MAP3K4: variants seen among roughly 807,000 people sequenced by gnomAD.
The protein encoded by MAP3K4 is MAP three kinase 1.
In MAP3K4, 67 loss-of-function variants were observed where a neutral mutation model predicts 185.6. The ratio of observed to expected loss-of-function variants is 0.36; its 90% CI spans 0.30 to 0.44. The LOEUF (loss-of-function observed/expected upper bound fraction) is 0.44. MAP3K4 is among the 20% of genes least tolerant of loss of function. The pLI is 1.00. For synonymous variants in MAP3K4, 702 were observed against 710.4 expected, an observed-to-expected ratio of 0.99 and a Z score of 0.19; for missense variants, 1,551 against 1,995.1, an observed-to-expected ratio of 0.78 and a Z score of 4.24.
At chr6:161,052,802 G>A (rs1784064375) in intron 3 of MAP3K4, among the ~76,000 whole-genome samples, 1 of 151,984 alleles carries the variant, frequency 6.6e-6, no homozygotes, top group African/African-American at 2.4e-5. Context: ...TGTTTTAGTC[G>A]TTTTATTTGG....
chr6:161,004,284 A>C (rs567105266), intron 1 of MAP3K4, among the ~76,000 whole-genome samples: 43 of 152,258 alleles, frequency 2.8e-4, no homozygotes, highest in African/African-American at 8.9e-4. Flanking sequence ...ATATCGAACA[A>C]AGTAGCACCA....
At position 161,034,424 on chromosome 6, in the gene MAP3K4, GC is replaced by G; in HGVS notation, c.320del (p.Pro107GlnfsTer7). On this transcript the variant is annotated frameshift_variant, in exon 2 of 27. Coordinates refer to ENST00000392142, the MANE Select transcript of MAP3K4 (RefSeq NM_005922.4). LOFTEE classifies it high-confidence loss of function. This position sits in a 1 kb window ranked among gnomAD's most constrained non-coding sequence, Gnocchi z 4.4. ...AACATCAGAGGAATAATGTGGGGAG[GC>G]CAGCCAGTCGGTCTAATTTGAAAGG... The part of the protein sequence containing the change: ...TKHQRNNVGR[P>X]ASRSNLKEKM... 6.2e-7 allele frequency: 1 copy of G among 1,613,046 alleles called. No individual in the cohort carries two copies. Among genetic ancestry groups the G allele is most frequent in the Middle Eastern group, 1.7e-4 (1 of 6,058 alleles).
At chr6:161,059,466 CTG>C (rs1784392829) in intron 3 of MAP3K4, among the ~76,000 whole-genome samples, 1 of 152,124 alleles carries the variant, frequency 6.6e-6, no homozygotes. Context: ...TCTAGTGACA[CTG>C]AGCCTGTTTT....
intron 10 of MAP3K4, 118 bp from the exon 11 acceptor site, chr6:161,089,204 T>G: frequency 1.8e-6 from 2 of 1,097,486 alleles, no homozygotes; most frequent in Non-Finnish European, 2.6e-6. Flanking sequence ...ACTTTCTGAT[T>G]AGATGGTTGT....
rs1427262397 is a variant in MAP3K4 at position 160,996,021 on chromosome 6, C to T, written c.152+3938C>T. Among the ~76,000 whole-genome samples, 1 of 152,068 alleles carries T rather than the reference C, an allele frequency of 6.6e-6. No homozygotes were observed. Among genetic ancestry groups the T allele is most frequent in the Non-Finnish European group, 1.5e-5 (1 of 68,022 alleles). On this transcript the variant is annotated intron_variant, in intron 1 of 26. Coordinates refer to ENST00000392142, the MANE Select transcript of MAP3K4 (RefSeq NM_005922.4). The surrounding 1 kb of genome is among the most constrained non-coding windows in gnomAD (Gnocchi z 4.5). ...AAATTCATTTGAAAAACTGGATTTC[C>T]TACTAAAAAACTAGTTGAATGTCGT... is the stretch of plus-strand genomic sequence containing the variant.
intron 1 of MAP3K4, among the ~76,000 whole-genome samples, chr6:161,018,256 T>A (rs1482151790): frequency 1.3e-5 from 2 of 151,880 alleles, no homozygotes; most frequent in African/African-American, 4.8e-5. Context: ...CTCCAGAAAA[T>A]TTATATAAGG....
rs111818865 is a variant in MAP3K4, at chr6:161,116,788, C to A, written c.4807-62C>A. ...GGCCTTCCCCGTAAGACTCATACTG[C>A]GCGTATGCACAAGCACACACCTGGC... On this transcript the variant is annotated intron_variant, in intron 26 of 26. Coordinates refer to ENST00000392142, the MANE Select transcript of MAP3K4 (RefSeq NM_005922.4). The surrounding 1 kb of genome is among the most constrained non-coding windows in gnomAD (Gnocchi z 6.2). The A allele has an allele frequency of 1.4e-6, 2 of 1,479,370 alleles. No homozygotes were observed. The highest frequency in any genetic ancestry group is 1.4e-5 in the African/African-American group (1 of 72,300). The allele number at this position is 1,479,370 out of a possible 1,614,324, so 91.6% of individuals were successfully genotyped here.
chr6:161,100,905 A>G lies in MAP3K4; in HGVS notation c.3675-987A>G, dbSNP rs779115797. ...AGTAGAAATGTCCCCATCACTTCAG[A>G]CTTAACAAGTGCTATACTAGATTTG... On this transcript the variant is annotated intron_variant, in intron 17 of 26. Transcript: ENST00000392142. This position sits in a 1 kb window ranked among gnomAD's most constrained non-coding sequence, Gnocchi z 5.8. The G allele has an allele frequency of 6.6e-6, 1 of 152,152 alleles. No homozygotes were observed. Among genetic ancestry groups the G allele is most frequent in the Non-Finnish European group, 1.5e-5 (1 of 68,028 alleles). The allele number at this position is 152,152 out of a possible 1,614,324, so 9.4% of individuals were successfully genotyped here.
Position 161,110,364 on chromosome 6 carries a change from C to T in MAP3K4, c.4396+450C>T, listed in dbSNP as rs145692637. Among the ~76,000 whole-genome samples, 140 of 152,254 alleles carry T rather than the reference C, an allele frequency of 9.2e-4. 2 individuals carry two copies. In the East Asian group the frequency reaches 0.012, roughly 13 times the overall value. ...TTGAGACAAGAATGGGGTTTGTTTA[C>T]ACAAACCTTGAAATTGAGTTCTGCT... is the stretch of plus-strand genomic sequence containing the variant. On this transcript the variant is annotated intron_variant, in intron 23 of 26. Coordinates refer to ENST00000392142, the MANE Select transcript of MAP3K4 (RefSeq NM_005922.4). This position sits in a 1 kb window ranked among gnomAD's most constrained non-coding sequence, Gnocchi z 4.8.
Position 161,106,165 on chromosome 6 carries a change from CATG to C in MAP3K4, c.3857-346_3857-344del, listed in dbSNP as rs1778061790. Among the ~76,000 whole-genome samples, 1 of 152,040 alleles carries C rather than the reference CATG, an allele frequency of 6.6e-6. No homozygotes were observed. Among genetic ancestry groups the C allele is most frequent in the Admixed American group, 6.6e-5 (1 of 15,264 alleles). On this transcript the variant is annotated intron_variant, in intron 19 of 26. Coordinates refer to ENST00000392142, the MANE Select transcript of MAP3K4 (RefSeq NM_005922.4). The surrounding 1 kb of genome is among the most constrained non-coding windows in gnomAD (Gnocchi z 4.9). ...GAATTAAATTTATGTAGGACAGTAA[CATG>C]ATCACATTTTATGTTTTAATAATAT...
chr6:161,113,790 C>CTTTTTTTTTTTTTT (rs963260228), intron 25 of MAP3K4, among the ~76,000 whole-genome samples: 3 of 71,076 alleles, frequency 4.2e-5, no homozygotes, highest in Non-Finnish European at 7.3e-5. Flanking sequence ...ATATGAGTGA[C>CTTTTTTTTTTTTTT]TTTTTTTTTT....
At position 161,110,028 on chromosome 6, in the gene MAP3K4, A is replaced by G; in HGVS notation, c.4396+114A>G. 1 of 1,138,820 alleles carries G rather than the reference A, an allele frequency of 8.8e-7. No homozygotes were observed. The highest frequency in any genetic ancestry group is 1.3e-6 in the Non-Finnish European group (1 of 785,058). 70.5% of individuals were successfully genotyped at this position (1,138,820 alleles called of 1,614,324 possible). A position where few individuals can be genotyped will look rare whatever the true frequency, so the allele number is the denominator to read the frequency against. The stretch of plus-strand genomic sequence containing the variant: ...ACATATGATTTCTCTAGATGGAAAT[A>G]CCTTTCATTGAAATACGCCTCTATA... On this transcript the variant is annotated intron_variant, in intron 23 of 26. Transcript: ENST00000392142. The surrounding 1 kb of genome is among the most constrained non-coding windows in gnomAD (Gnocchi z 4.8).
At chr6:161,105,472 A>G (rs540514253) in intron 19 of MAP3K4, among the ~76,000 whole-genome samples, 57 of 152,294 alleles carry the variant, frequency 3.7e-4, no homozygotes, top group Admixed American at 9.8e-4. Flanking sequence ...CACCTAGAAA[A>G]TGGCGAGGCC....
At chr6:161,012,890 A>G (rs1257540027) in intron 1 of MAP3K4, among the ~76,000 whole-genome samples, 1 of 152,158 alleles carries the variant, frequency 6.6e-6, no homozygotes, top group Non-Finnish European at 1.5e-5. Flanking sequence ...ATATTATAAC[A>G]TCATTTAAAA....
At chr6:161,055,999 C>T (rs1231169359) in intron 3 of MAP3K4, among the ~76,000 whole-genome samples, 1 of 152,148 alleles carries the variant, frequency 6.6e-6, no homozygotes, top group Non-Finnish European at 1.5e-5. Context: ...CCATTTATAT[C>T]AGTATGGACT....
At chr6:161,019,893 A>G (rs974033473) in intron 1 of MAP3K4, among the ~76,000 whole-genome samples, 4 of 152,228 alleles carry the variant, frequency 2.6e-5, no homozygotes, top group Admixed American at 1.3e-4. Flanking sequence ...TGTAGGGTAT[A>G]TGGAGGCCAG....
intron 1 of MAP3K4, among the ~76,000 whole-genome samples, chr6:161,019,513 T>C (rs946999859): frequency 6.6e-6 from 1 of 152,182 alleles, no homozygotes; most frequent in Non-Finnish European, 1.5e-5. Context: ...TTCAAGCAAT[T>C]CTCCTGCGTC....
At chr6:161,010,605 G>A (rs187586076) in intron 1 of MAP3K4, among the ~76,000 whole-genome samples, 1 of 152,124 alleles carries the variant, frequency 6.6e-6, no homozygotes, top group Non-Finnish European at 1.5e-5. Flanking sequence ...TGTTTAATCG[G>A]AGCAGATAAG....
At chr6:161,090,813 C>T (rs894458580) in intron 11 of MAP3K4, among the ~76,000 whole-genome samples, 3 of 151,976 alleles carry the variant, frequency 2.0e-5, no homozygotes, top group South Asian at 2.1e-4. Flanking sequence ...GGCCGTCCTG[C>T]GCATTGTAGG....
Sources: allele counts gnomAD v4.1 joint callset (sites outside exome capture counted in the v4.1 genomes callset), GRCh38; gene constraint gnomAD v4.1.1; non-coding constraint Gnocchi (gnomAD v3.1); transcripts MANE v1.5; gene names NCBI Gene and HGNC (gene_info 2026-07-23, HGNC 2026-07-21).